Variants in QTMAN observed in about 807,000 individuals in gnomAD.
QTMAN encodes tRNA-queuosine alpha-mannosyltransferase.
At chr2:143,948,048 T>G in the QTMAN span, among the ~76,000 whole-genome samples, 1 of 151,876 alleles carries the variant, frequency 6.6e-6, no homozygotes, top group South Asian at 2.1e-4. Context: ...AAGGAAAAAG[T>G]AAGGACTCTG....
chr2:143,966,871 C>T, the QTMAN span, among the ~76,000 whole-genome samples: 1 of 152,248 alleles, frequency 6.6e-6, no homozygotes, highest in Non-Finnish European at 1.5e-5. Context: ...TTTGCTTCAT[C>T]AGAAAGGGCA....
At chr2:144,157,659 G>A in the QTMAN span, among the ~76,000 whole-genome samples, 1 of 151,930 alleles carries the variant, frequency 6.6e-6, no homozygotes, top group African/African-American at 2.4e-5. Context: ...GATTGGAAAG[G>A]GAAGAGATTA....
the QTMAN span, among the ~76,000 whole-genome samples, chr2:144,314,790 T>G: frequency 3.3e-5 from 5 of 152,298 alleles, no homozygotes; most frequent in African/African-American, 1.2e-4. Context: ...GAAAGTGGGA[T>G]AGTTAACATG....
chr2:144,017,657 A>G, the QTMAN span, among the ~76,000 whole-genome samples: 1 of 152,350 alleles, frequency 6.6e-6, no homozygotes, highest in African/African-American at 2.4e-5. Context: ...GATAATAGTA[A>G]CAATGCCTTG....
At chr2:143,996,570 GA>G in the QTMAN span, among the ~76,000 whole-genome samples, 456 of 152,244 alleles carry the variant, frequency 3.0e-3, 6 homozygotes, top group African/African-American at 0.01. Flanking sequence ...GGTAGGTGAA[GA>G]GGGGCAGTTA....
At chr2:144,187,546 G>GTACAAAC in the QTMAN span, among the ~76,000 whole-genome samples, 2 of 152,090 alleles carry the variant, frequency 1.3e-5, no homozygotes, top group African/African-American at 4.8e-5. Context: ...GTTTTGATGG[G>GTACAAAC]TACAAACTCA....
chr2:144,186,668 GA>G, the QTMAN span, among the ~76,000 whole-genome samples: 1 of 152,120 alleles, frequency 6.6e-6, no homozygotes, highest in Non-Finnish European at 1.5e-5. Context: ...TCAGTGGTAA[GA>G]GAAAAATATT....
the QTMAN span, among the ~76,000 whole-genome samples, chr2:143,998,427 G>A: frequency 6.7e-6 from 1 of 150,338 alleles, no homozygotes; most frequent in Non-Finnish European, 1.5e-5. Flanking sequence ...CAATAAAGAC[G>A]ACAGAAGGGG....
chr2:144,289,279 G>A, the QTMAN span, among the ~76,000 whole-genome samples: 14 of 152,156 alleles, frequency 9.2e-5, no homozygotes, highest in East Asian at 1.9e-3. Flanking sequence ...CGCCCGCCTC[G>A]GCCTCACAAA....
At chr2:144,259,499 C>T in the QTMAN span, among the ~76,000 whole-genome samples, 174 of 152,248 alleles carry the variant, frequency 1.1e-3, 1 homozygote, top group African/African-American at 4.1e-3. Context: ...TTATTACTTC[C>T]ATGGCAAAAA....
At chr2:144,179,038 AT>A in the QTMAN span, 1 of 452,408 alleles carries the variant, frequency 2.2e-6, no homozygotes, top group Non-Finnish European at 4.5e-6. Context: ...TACGGCTAGC[AT>A]TTTGAGTATG....
chr2:144,289,027 T>C, the QTMAN span, among the ~76,000 whole-genome samples: 3 of 148,208 alleles, frequency 2.0e-5, no homozygotes, highest in Non-Finnish European at 1.5e-5. Flanking sequence ...GACAAGAAAA[T>C]TCTTTTTTTT....
chr2:144,071,593 G>C, the QTMAN span, among the ~76,000 whole-genome samples: 1 of 152,002 alleles, frequency 6.6e-6, no homozygotes, highest in East Asian at 1.9e-4. Flanking sequence ...CAGCCCTTTT[G>C]AATCATCTCC....
chr2:144,297,939 A>G, the QTMAN span, among the ~76,000 whole-genome samples: 1 of 152,128 alleles, frequency 6.6e-6, no homozygotes, highest in African/African-American at 2.4e-5. Context: ...AATTGAATAT[A>G]GACTGTATAG....
the QTMAN span, among the ~76,000 whole-genome samples, chr2:144,318,327 T>C: frequency 6.6e-6 from 1 of 152,058 alleles, no homozygotes; most frequent in Non-Finnish European, 1.5e-5. Flanking sequence ...CTCAAGGTAG[T>C]TCAATTATGG....
chr2:144,240,795 A>G, the QTMAN span, among the ~76,000 whole-genome samples: 5 of 152,246 alleles, frequency 3.3e-5, no homozygotes, highest in Non-Finnish European at 5.9e-5. Flanking sequence ...GTTTTAAAAC[A>G]TAACAGCATA....
At chr2:144,225,667 A>G in the QTMAN span, among the ~76,000 whole-genome samples, 2 of 152,300 alleles carry the variant, frequency 1.3e-5, no homozygotes, top group East Asian at 3.9e-4. Flanking sequence ...TGACCTGTCA[A>G]ATTCCTACAT....
chr2:143,983,378 T>C, the QTMAN span, among the ~76,000 whole-genome samples: 1 of 152,184 alleles, frequency 6.6e-6, no homozygotes, highest in Non-Finnish European at 1.5e-5. Flanking sequence ...TTCTAGTGAG[T>C]TTTATAGCCA....
At chr2:143,966,916 G>A in the QTMAN span, among the ~76,000 whole-genome samples, 3 of 152,238 alleles carry the variant, frequency 2.0e-5, no homozygotes, top group South Asian at 2.1e-4. Context: ...ACTCAGTGGT[G>A]TGCCACTTTC....
Sources: allele counts gnomAD v4.1 joint callset (sites outside exome capture counted in the v4.1 genomes callset), GRCh38; gene constraint gnomAD v4.1.1; transcripts MANE v1.5; gene names NCBI Gene and HGNC (gene_info 2026-07-23, HGNC 2026-07-21).